Variants in DMXL1 observed in about 807,000 individuals in gnomAD.
The protein encoded by DMXL1 is dmX-like protein 1.
In DMXL1, 99 loss-of-function variants were observed where a neutral mutation model predicts 319.2. The observed-to-expected ratio is 0.31, with a 90% CI of 0.26 to 0.37. The LOEUF is 0.37. Ranked by LOEUF, DMXL1 falls within the 10% of genes least tolerant of loss-of-function variation. The pLI is 1.00. For synonymous variants in DMXL1, 1,385 were observed against 1,235.2 expected, an observed-to-expected ratio of 1.12 and a Z score of -2.54; for missense variants, 3,745 against 3,595.6, an observed-to-expected ratio of 1.04 and a Z score of -1.06.
At chr5:119,177,739 C>G (rs753183609) in intron 27 of DMXL1, among the ~76,000 whole-genome samples, 1 of 151,782 alleles carries the variant, frequency 6.6e-6, no homozygotes, top group Non-Finnish European at 1.5e-5. Flanking sequence ...TAGAAAAACC[C>G]GTCTATGAAA....
rs189339046 is a variant in DMXL1 at position 119,226,521 on chromosome 5, C to T, written c.8338+1752C>T. 3.9e-4 allele frequency among the ~76,000 whole-genome samples: 59 copies of T among 152,260 alleles called. 1 individual carries two copies. In the East Asian group the frequency reaches 9.4e-3, roughly 24 times the overall value. On this transcript the variant is annotated intron_variant, in intron 38 of 43. Transcript: ENST00000539542. Reference sequence around the variant, plus strand: ...CACTGTTTCTCTATGCTGTCATGTACAGTTCTGATACCAGATGTGTTGGCT... The same window carrying T: ...CACTGTTTCTCTATGCTGTCATGTATAGTTCTGATACCAGATGTGTTGGCT...
chr5:119,158,700 C>T (rs1034481843), intron 19 of DMXL1, among the ~76,000 whole-genome samples: 4 of 152,068 alleles, frequency 2.6e-5, no homozygotes, highest in African/African-American at 4.8e-5. Flanking sequence ...GAAAGGATGT[C>T]GAATTTTATC....
chr5:119,175,189 A>T (rs1338346578), intron 25 of DMXL1, 72 bp from the exon 26 acceptor site: 6 of 1,146,630 alleles, frequency 5.2e-6, no homozygotes, highest in African/African-American at 1.6e-5. Context: ...AATGCTGATT[A>T]TATTAGGTCT....
Position 119,178,250 on chromosome 5 carries a change from T to A in DMXL1, c.7135+6T>A. ...ACATTCAAAAACTTTACCTGGTGAG[T>A]TTAAAAAATTTTTTTAGGACTGAAG... On this transcript the variant is annotated splice_donor_region_variant and intron_variant, in intron 28 of 43. Transcript: ENST00000539542. The A allele has an allele frequency of 6.2e-7, 1 of 1,608,596 alleles. No homozygotes were observed.
chr5:119,164,648 C>A lies in DMXL1; in HGVS notation c.4844C>A (p.Thr1615Asn), dbSNP rs370189080. ...AMGVGWWVRN[T>N]RILRKCIEKV... ...GGTGTGGGGTGGTGGGTCCGGAATA[C>A]CCGCATCTTACGCAAATGCATAGAA... The change falls in exon 20 of 44, where the codon ACC becomes AAC. Residue 1615 changes from threonine to asparagine, a missense_variant. This residue lies in a region of DMXL1 where 2,096 missense variants were observed against 1,985.4 expected (regional missense o/e 1.06). Transcript: ENST00000539542. 7.3e-5 allele frequency: 117 copies of A among 1,605,632 alleles called. No homozygotes were observed. Among genetic ancestry groups the A allele is most frequent in the Non-Finnish European group, 9.7e-5 (114 of 1,174,942 alleles).
chr5:119,213,521 C>T (rs1052140636), intron 34 of DMXL1, among the ~76,000 whole-genome samples: 6 of 152,142 alleles, frequency 3.9e-5, no homozygotes, highest in African/African-American at 1.4e-4. Context: ...AATGTTTTGC[C>T]TTTAAAAAAT....
chr5:119,207,125 T>A (rs1040270825), intron 34 of DMXL1, among the ~76,000 whole-genome samples: 1 of 152,196 alleles, frequency 6.6e-6, no homozygotes, highest in African/African-American at 2.4e-5. Context: ...TATCTTGTTT[T>A]GGCTACAAAT....
chr5:119,234,606 C>A (rs1457984885), intron 39 of DMXL1, among the ~76,000 whole-genome samples: 1 of 152,088 alleles, frequency 6.6e-6, no homozygotes, highest in Non-Finnish European at 1.5e-5. Flanking sequence ...ATTCTTAGCT[C>A]CTTAGTGGGA....
intron 19 of DMXL1, among the ~76,000 whole-genome samples, chr5:119,159,026 G>A (rs543394518): frequency 1.1e-4 from 17 of 152,172 alleles, no homozygotes; most frequent in African/African-American, 4.1e-4. Context: ...TCTGTTCTTC[G>A]GAGGAGTTCA....
chr5:119,186,723 A>T (rs1006656106), intron 28 of DMXL1, among the ~76,000 whole-genome samples: 4 of 152,180 alleles, frequency 2.6e-5, no homozygotes, highest in Non-Finnish European at 4.4e-5. Context: ...GTAGCCTGTT[A>T]GCCATTTCTC....
chr5:119,170,237 T>C lies in DMXL1; in HGVS notation c.5446T>C (p.Tyr1816His), dbSNP rs562552928. 15 of 1,607,180 alleles carry C rather than the reference T, an allele frequency of 9.3e-6. No individual in the cohort carries two copies. The East Asian group carries it at 3.1e-4, about 33-fold the overall frequency. The change falls in exon 24 of 44, where the codon TAT becomes CAT. Residue 1816 changes from tyrosine to histidine, a missense_variant. Physicochemically the swap from Tyr to His is moderately conservative, Grantham distance 83 (BLOSUM62 2). Transcript: ENST00000539542. ...SNPTVFNFYN[Y>H]LRTHPLLLRR... is the part of the protein sequence containing the mutation. ...TCCTACAGTTTTTAATTTCTACAAT[T>C]ATCTAAGAACACATCCTCTTTTGCT...
At chr5:119,201,025 T>G (rs796957552) in intron 32 of DMXL1, among the ~76,000 whole-genome samples, 43 of 152,326 alleles carry the variant, frequency 2.8e-4, no homozygotes, top group African/African-American at 8.9e-4. Flanking sequence ...AGGCATAGTT[T>G]TACTTCCTCT....
intron 13 of DMXL1, among the ~76,000 whole-genome samples, chr5:119,139,477 G>A (rs1766791804): frequency 6.6e-6 from 1 of 152,146 alleles, no homozygotes; most frequent in African/African-American, 2.4e-5. Flanking sequence ...TTGCCATCCT[G>A]ATTTCAGACA....
chr5:119,193,324 CCAAACTCTTTCT>C (rs1356211928), intron 29 of DMXL1, among the ~76,000 whole-genome samples: 1 of 152,166 alleles, frequency 6.6e-6, no homozygotes, highest in South Asian at 2.1e-4. Context: ...AAACTCTTTC[CCAAACTCTTTCT>C]GCATTATTTT....
intron 13 of DMXL1, among the ~76,000 whole-genome samples, chr5:119,134,828 T>C (rs755838198): frequency 2.0e-5 from 3 of 152,254 alleles, no homozygotes; most frequent in Non-Finnish European, 2.9e-5. Flanking sequence ...TTTTGCCTTA[T>C]GACAGGCCAC....
At chr5:119,089,297 T>C (rs1406904321) in intron 1 of DMXL1, among the ~76,000 whole-genome samples, 1 of 74,788 alleles carries the variant, frequency 1.3e-5, no homozygotes, top group African/African-American at 5.4e-5. Context: ...TATATATTTT[T>C]TTTTTTTTTT....
intron 17 of DMXL1, among the ~76,000 whole-genome samples, chr5:119,148,297 T>TA (rs1001772425): frequency 1.3e-5 from 2 of 152,030 alleles, no homozygotes; most frequent in African/African-American, 4.8e-5. Flanking sequence ...TTGACAAATT[T>TA]AAAAAAATGC....
At chr5:119,225,611 T>G (rs1785401048) in intron 38 of DMXL1, among the ~76,000 whole-genome samples, 1 of 152,146 alleles carries the variant, frequency 6.6e-6, no homozygotes, top group African/African-American at 2.4e-5. Flanking sequence ...TAAAATGCAG[T>G]TAACAAAATC....
intron 1 of DMXL1, among the ~76,000 whole-genome samples, chr5:119,072,905 A>C (rs1749955402): frequency 6.6e-6 from 1 of 152,150 alleles, no homozygotes; most frequent in African/African-American, 2.4e-5. Flanking sequence ...GTTTCCTTAC[A>C]CCTGGGCATT....
Sources: allele counts gnomAD v4.1 joint callset (sites outside exome capture counted in the v4.1 genomes callset), GRCh38; gene constraint gnomAD v4.1.1; regional missense constraint gnomAD v4.1.1; transcripts MANE v1.5; gene names NCBI Gene and HGNC (gene_info 2026-07-23, HGNC 2026-07-21).